The following GALNT13 variants were observed in gnomAD, a reference collection of about 807,000 sequenced individuals.
GALNT13 encodes the protein polypeptide N-acetylgalactosaminyltransferase 13.
In GALNT13, 28 loss-of-function variants were observed where a neutral mutation model predicts 64.2. The ratio of observed to expected loss-of-function variants is 0.44; its 90% CI spans 0.32 to 0.60. The LOEUF is 0.60. Ranked by LOEUF, GALNT13 falls within the 20% of genes least tolerant of loss-of-function variation. GALNT13 has a pLI of 0.05. For synonymous variants in GALNT13, 214 were observed against 224.6 expected (o/e 0.95, Z 0.42); for missense variants, 577 against 669.8 (o/e 0.86, Z 1.53).
chr2:153,535,122 G>A, the GALNT13 span, among the ~76,000 whole-genome samples: 3 of 152,102 alleles, frequency 2.0e-5, no homozygotes, highest in African/African-American at 7.2e-5. Context: ...AGATTAAGCT[G>A]AAGGGAGGTC....
chr2:154,050,809 A>C (rs2105346009), intron 3 of GALNT13, among the ~76,000 whole-genome samples: 1 of 152,326 alleles, frequency 6.6e-6, no homozygotes, highest in South Asian at 2.1e-4. Flanking sequence ...CTTCAAAATC[A>C]ATCAACCTTC....
the GALNT13 span, among the ~76,000 whole-genome samples, chr2:153,448,982 TTCTG>T: frequency 1.3e-5 from 2 of 152,120 alleles, no homozygotes; most frequent in African/African-American, 4.8e-5. Flanking sequence ...TGTGTGCACT[TTCTG>T]TCTTTCTGTC....
At chr2:153,671,814 G>A in the GALNT13 span, among the ~76,000 whole-genome samples, 4 of 152,070 alleles carry the variant, frequency 2.6e-5, no homozygotes, top group African/African-American at 9.7e-5. Context: ...CCCATCTCAT[G>A]TGCAAAGACA....
the GALNT13 span, among the ~76,000 whole-genome samples, chr2:153,757,195 G>A: frequency 2.0e-5 from 3 of 152,132 alleles, no homozygotes; most frequent in East Asian, 1.9e-4. Context: ...CCCCACAGTC[G>A]CTGGTTTCTG....
intron 4 of GALNT13, among the ~76,000 whole-genome samples, chr2:154,223,920 G>A (rs540100121): frequency 6.6e-6 from 1 of 152,206 alleles, no homozygotes; most frequent in South Asian, 2.1e-4. Flanking sequence ...ATGATGGGAA[G>A]GGAGGAGTTG....
At chr2:154,307,892 T>C (rs904954616) in intron 9 of GALNT13, among the ~76,000 whole-genome samples, 1 of 152,144 alleles carries the variant, frequency 6.6e-6, no homozygotes, top group Admixed American at 6.5e-5. Flanking sequence ...GTAAAAAGCT[T>C]AAGAACTTTA....
chr2:154,171,970 A>G (rs1685372812), intron 4 of GALNT13, among the ~76,000 whole-genome samples: 1 of 107,518 alleles, frequency 9.3e-6, no homozygotes, highest in African/African-American at 4.2e-5. Context: ...TTTCTTTCTC[A>G]TACACACACA....
intron 9 of GALNT13, among the ~76,000 whole-genome samples, chr2:154,351,682 CAAAAAAAAAAAAAAAAAAAAAAAA>C (rs567606376): frequency 5.8e-4 from 26 of 44,688 alleles, no homozygotes; most frequent in African/African-American, 1.3e-3. Context: ...GACTCCGTCT[CAAAAAAAAAAAAAAAAAAAAAAAA>C]AAAAAAAAAA....
intron 8 of GALNT13, among the ~76,000 whole-genome samples, chr2:154,291,390 A>G (rs181838215): frequency 1.3e-5 from 2 of 152,304 alleles, no homozygotes; most frequent in Non-Finnish European, 2.9e-5. Context: ...CTAGCTAGAC[A>G]CAGAGTGCTG....
the GALNT13 span, among the ~76,000 whole-genome samples, chr2:153,232,208 T>G: frequency 6.6e-6 from 1 of 152,194 alleles, no homozygotes; most frequent in Non-Finnish European, 1.5e-5. Flanking sequence ...ACTTAGAAAA[T>G]GATATCCATC....
chr2:154,191,467 A>T (rs1280040395), intron 4 of GALNT13, among the ~76,000 whole-genome samples: 1 of 152,174 alleles, frequency 6.6e-6, no homozygotes. Context: ...GATAGGAGAG[A>T]CTGAAAACAT....
At chr2:154,243,435 G>GCA (rs1048954726) in intron 6 of GALNT13, among the ~76,000 whole-genome samples, 2 of 151,376 alleles carry the variant, frequency 1.3e-5, no homozygotes, top group African/African-American at 2.4e-5. Flanking sequence ...TCTTAAAAAT[G>GCA]CACACACACA....
intron 3 of GALNT13, among the ~76,000 whole-genome samples, chr2:154,019,666 A>C (rs1697294403): frequency 1.3e-5 from 2 of 148,152 alleles, no homozygotes; most frequent in South Asian, 4.4e-4. Context: ...AAGCAAGAAA[A>C]ATGCACATGT....
chr2:153,422,749 G>T, the GALNT13 span, among the ~76,000 whole-genome samples: 1 of 151,590 alleles, frequency 6.6e-6, no homozygotes, highest in African/African-American at 2.4e-5. Flanking sequence ...ACACTTTACA[G>T]AATAGATTCA....
At chr2:153,356,853 A>G in the GALNT13 span, among the ~76,000 whole-genome samples, 1 of 125,598 alleles carries the variant, frequency 8.0e-6, no homozygotes, top group Non-Finnish European at 1.6e-5. Context: ...GCTGGAGTGC[A>G]GTGGTGTGAT....
the GALNT13 span, among the ~76,000 whole-genome samples, chr2:153,605,728 T>A: frequency 1.3e-5 from 2 of 152,226 alleles, no homozygotes; most frequent in African/African-American, 4.8e-5. Context: ...TTTCCACACA[T>A]GTAAGCAAAA....
At chr2:153,302,165 A>C in the GALNT13 span, among the ~76,000 whole-genome samples, 2 of 152,202 alleles carry the variant, frequency 1.3e-5, no homozygotes, top group South Asian at 4.1e-4. Flanking sequence ...TTATATTCCC[A>C]CCAAAAAGTG....
At chr2:154,292,240 G>A (rs983190551) in intron 8 of GALNT13, among the ~76,000 whole-genome samples, 2 of 152,020 alleles carry the variant, frequency 1.3e-5, no homozygotes, top group Non-Finnish European at 1.5e-5. Flanking sequence ...TGTGGGATGA[G>A]AGGTAGCCCA....
chr2:154,198,768 A>G (rs1484480472), intron 4 of GALNT13, among the ~76,000 whole-genome samples: 2 of 152,106 alleles, frequency 1.3e-5, no homozygotes, highest in Non-Finnish European at 2.9e-5. Context: ...CTGAAGGGTC[A>G]AGGACTTAAT....
Sources: gnomAD v4.1 joint callset for allele counts (sites outside exome capture counted in the v4.1 genomes callset) on GRCh38, gnomAD v4.1.1 for gene constraint, MANE v1.5 for transcripts, NCBI Gene and HGNC (gene_info 2026-07-23, HGNC 2026-07-21) for gene names.